APAF1: variants seen among roughly 807,000 people sequenced by gnomAD.
APAF1 encodes apoptotic peptidase activating factor 1, also known as apoptotic protease-activating factor 1.
APAF1 carries 91 observed loss-of-function variants against 152.4 expected under a neutral mutation model. That is an observed-to-expected ratio of 0.60 (90% CI 0.50 to 0.71). The LOEUF (loss-of-function observed/expected upper bound fraction) is 0.71, where lower values mean the gene tolerates loss of function less well. Among genes scored for constraint, APAF1 ranks in the 30% least tolerant of loss-of-function variants. The pLI is 0.00. For missense variants in APAF1, 1,283 were observed against 1,472.0 expected, an observed-to-expected ratio of 0.87 and a Z score of 2.10; for synonymous variants, 484 against 494.1, an observed-to-expected ratio of 0.98 and a Z score of 0.27.
rs548189117 is a variant in APAF1, at chr12:98,714,293, A to G, written c.2959-1134A>G. Among the ~76,000 whole-genome samples the G allele has an allele frequency of 7.9e-5, 12 of 152,374 alleles. No individual in the cohort carries two copies. In the South Asian group the frequency reaches 2.5e-3, roughly 32 times the overall value. On this transcript the variant is annotated intron_variant, in intron 21 of 26. Coordinates refer to ENST00000551964, the MANE Select transcript of APAF1 (RefSeq NM_181861.2). ...CATCGTTAGTTCCCTCAAAGTCATC[A>G]AATAATATAAATAATACATAATGAA...
chr12:98,677,648 C>T (rs190624274), intron 13 of APAF1, 97 bp downstream of exon 13: 2 of 1,448,954 alleles, frequency 1.4e-6, no homozygotes, highest in African/African-American at 1.4e-5. Flanking sequence ...AAAATTGCAA[C>T]TTAGAAATAA....
At chr12:98,678,866 C>T (rs1276882383) in intron 13 of APAF1, among the ~76,000 whole-genome samples, 4 of 152,208 alleles carry the variant, frequency 2.6e-5, no homozygotes, top group Non-Finnish European at 5.9e-5. Flanking sequence ...ACTTTGGGTG[C>T]TGATGAGCAT....
At chr12:98,714,322 T>C (rs2097731487) in intron 21 of APAF1, among the ~76,000 whole-genome samples, 1 of 152,236 alleles carries the variant, frequency 6.6e-6, no homozygotes, top group South Asian at 2.1e-4. Flanking sequence ...TAATGAACCA[T>C]GTGAAATTAC....
intron 12 of APAF1, among the ~76,000 whole-genome samples, chr12:98,673,456 AC>A (rs1263347688): frequency 2.0e-4 from 30 of 151,164 alleles, no homozygotes; most frequent in African/African-American, 6.6e-4. Context: ...AAAAAAAAAA[AC>A]AAAAAAAAAA....
intron 22 of APAF1, among the ~76,000 whole-genome samples, chr12:98,716,578 C>G (rs1029622584): frequency 6.6e-6 from 1 of 152,190 alleles, no homozygotes; most frequent in Non-Finnish European, 1.5e-5. Context: ...ATCTTTCTCT[C>G]TGGAAGATTT....
intron 20 of APAF1, among the ~76,000 whole-genome samples, chr12:98,708,987 A>T (rs2097724845): frequency 1.3e-5 from 2 of 152,224 alleles, no homozygotes; most frequent in Non-Finnish European, 2.9e-5. Context: ...GGACAAACTC[A>T]TGTTGTCTAC....
intron 16 of APAF1, among the ~76,000 whole-genome samples, chr12:98,696,198 C>G (rs779838528): frequency 1.3e-5 from 2 of 152,008 alleles, no homozygotes; most frequent in Admixed American, 6.6e-5. Context: ...TTCTGATGGC[C>G]GGAAATTCCA....
At chr12:98,729,908 T>C (rs1215541340) in intron 26 of APAF1, among the ~76,000 whole-genome samples, 1 of 152,240 alleles carries the variant, frequency 6.6e-6, no homozygotes, top group Non-Finnish European at 1.5e-5. Flanking sequence ...GAGTAATTTC[T>C]AGTATTTGAT....
In APAF1 at chr12:98,707,211, A is replaced by G. The variant is rs549056283; in HGVS notation, c.2721+601A>G. Among the ~76,000 whole-genome samples the G allele has an allele frequency of 6.2e-4, 94 of 152,186 alleles. 1 individual carries two copies. The highest frequency in any genetic ancestry group is 9.4e-4 in the Non-Finnish European group (64 of 68,032). ...TTCTGCCATTAAGCTTCTCCACAGCATGGCCTTATTCTGCTCCACTCTGTC... is the reference window on the plus strand; with the variant it reads ...TTCTGCCATTAAGCTTCTCCACAGCGTGGCCTTATTCTGCTCCACTCTGTC... On this transcript the variant is annotated intron_variant, in intron 19 of 26. Transcript: ENST00000551964.
intron 12 of APAF1, among the ~76,000 whole-genome samples, chr12:98,676,794 G>T (rs909641191): frequency 6.6e-6 from 1 of 152,042 alleles, no homozygotes; most frequent in East Asian, 1.9e-4. Context: ...TTACAGGCAC[G>T]TGCCACCACA....
intron 20 of APAF1, among the ~76,000 whole-genome samples, chr12:98,710,387 T>G (rs966334491): frequency 3.3e-5 from 5 of 152,100 alleles, no homozygotes; most frequent in African/African-American, 1.2e-4. Flanking sequence ...TGATTTTTCT[T>G]GATTTGCTTA....
Position 98,732,864 on chromosome 12 carries a change from G to A in APAF1, c.*298G>A. 1 of 330,902 alleles carries A rather than the reference G, an allele frequency of 3.0e-6. No homozygotes were observed. 20.5% of individuals were successfully genotyped at this position (330,902 alleles called of 1,614,324 possible). On this transcript the variant is annotated 3_prime_UTR_variant, in exon 27 of 27. Coordinates refer to ENST00000551964, the MANE Select transcript of APAF1 (RefSeq NM_181861.2). ...ATTCTGTCTTGATGCATTCAAAATG[G>A]TTGACATAATTAATGAGAAGAATTT... is the stretch of plus-strand genomic sequence containing the variant.
intron 20 of APAF1, among the ~76,000 whole-genome samples, chr12:98,711,980 A>G (rs1244198584): frequency 1.3e-5 from 2 of 152,224 alleles, no homozygotes; most frequent in African/African-American, 2.4e-5. Context: ...TGATAGCCCT[A>G]TTAAAAGTGG....
rs775461454 is a variant in APAF1 at position 98,706,482 on chromosome 12, T to C, written c.2596-3T>C. 5 of 1,613,882 alleles carry C rather than the reference T, an allele frequency of 3.1e-6. No individual in the cohort carries two copies. In the Admixed American group the frequency reaches 5.0e-5, roughly 16 times the overall value. ...TTTCCTATATGCTGTGTTTATTCTG[T>C]AGTTGTGGAATACAGACTCACGTTC... On this transcript the variant is annotated splice_region_variant and splice_polypyrimidine_tract_variant and intron_variant, in intron 18 of 26. Coordinates refer to ENST00000551964, the MANE Select transcript of APAF1 (RefSeq NM_181861.2).
chr12:98,703,320 TTA>T (rs2097717699), intron 17 of APAF1, 49 bp from the exon 18 acceptor site: 4 of 1,596,970 alleles, frequency 2.5e-6, no homozygotes. Context: ...TTAGAATAGC[TTA>T]TCTCTTAAAG....
chr12:98,657,392 T>G (rs2097659139), intron 4 of APAF1, among the ~76,000 whole-genome samples: 1 of 152,208 alleles, frequency 6.6e-6, no homozygotes, highest in Non-Finnish European at 1.5e-5. Flanking sequence ...TTTTTTTCTC[T>G]ATGCTGGGAA....
intron 13 of APAF1, among the ~76,000 whole-genome samples, chr12:98,680,042 C>G (rs145772658): frequency 1.8e-3 from 280 of 152,296 alleles, no homozygotes; most frequent in African/African-American, 6.4e-3. Flanking sequence ...ATCAACACCC[C>G]AAAGATCCTG....
intron 22 of APAF1, among the ~76,000 whole-genome samples, chr12:98,720,496 G>C (rs2097740898): frequency 6.6e-6 from 1 of 152,174 alleles, no homozygotes; most frequent in Non-Finnish European, 1.5e-5. Flanking sequence ...TCTTTGCTGA[G>C]CTGAAGTTAT....
intron 13 of APAF1, among the ~76,000 whole-genome samples, 194 bp from the exon 14 acceptor site, chr12:98,680,083 A>G (rs1194319098): frequency 6.6e-6 from 1 of 152,238 alleles, no homozygotes; most frequent in Non-Finnish European, 1.5e-5. Flanking sequence ...ACAAACATGT[A>G]ACAGTGAATA....
Sources: gnomAD v4.1 joint callset for allele counts (sites outside exome capture counted in the v4.1 genomes callset) on GRCh38, gnomAD v4.1.1 for gene constraint, MANE v1.5 for transcripts, NCBI Gene and HGNC (gene_info 2026-07-23, HGNC 2026-07-21) for gene names.